GPATCH2: variants seen among roughly 807,000 people sequenced by gnomAD.
The protein encoded by GPATCH2 is G patch domain-containing protein 2.
In GPATCH2, 51 loss-of-function variants were observed where a neutral mutation model predicts 58.0. That is an observed-to-expected ratio of 0.88 (90% CI 0.70 to 1.11). The LOEUF (loss-of-function observed/expected upper bound fraction) is 1.11. GPATCH2 is among the 50% of genes most tolerant of loss of function. GPATCH2 has a pLI of 0.00. For missense variants in GPATCH2, 625 were observed against 652.2 expected, an observed-to-expected ratio of 0.96 and a Z score of 0.45; for synonymous variants, 222 against 218.5, an observed-to-expected ratio of 1.02 and a Z score of -0.14.
chr1:217,600,156 TC>T (rs1387018413), intron 5 of GPATCH2, among the ~76,000 whole-genome samples: 1 of 152,176 alleles, frequency 6.6e-6, no homozygotes, highest in East Asian at 1.9e-4. Flanking sequence ...AAGTCATTAC[TC>T]CTTTGGTATG....
intron 9 of GPATCH2, among the ~76,000 whole-genome samples, chr1:217,434,456 C>T (rs928284551): frequency 5.3e-5 from 8 of 152,172 alleles, no homozygotes; most frequent in African/African-American, 1.7e-4. Flanking sequence ...TGGATAGCTG[C>T]TAATCAGGTA....
At chr1:217,552,195 G>A (rs1484520783) in intron 5 of GPATCH2, among the ~76,000 whole-genome samples, 1 of 151,996 alleles carries the variant, frequency 6.6e-6, no homozygotes, top group Non-Finnish European at 1.5e-5. Flanking sequence ...CCTCTCTGAT[G>A]TATATGAATA....
intron 5 of GPATCH2, among the ~76,000 whole-genome samples, chr1:217,534,637 T>C (rs1664376987): frequency 6.6e-6 from 1 of 151,950 alleles, no homozygotes; most frequent in Non-Finnish European, 1.5e-5. Context: ...ACTGGTACCC[T>C]CTGCACTCAC....
intron 8 of GPATCH2, among the ~76,000 whole-genome samples, chr1:217,463,861 C>T (rs560018446): frequency 6.6e-6 from 1 of 152,002 alleles, no homozygotes; most frequent in Non-Finnish European, 1.5e-5. Flanking sequence ...GAGTGAAAGA[C>T]AGAATCCAGG....
intron 8 of GPATCH2, among the ~76,000 whole-genome samples, chr1:217,481,584 G>T (rs1661214685): frequency 6.6e-6 from 1 of 152,072 alleles, no homozygotes; most frequent in Non-Finnish European, 1.5e-5. Context: ...AAGGCCAGGT[G>T]CAGTGGCTTA....
At chr1:217,460,688 A>G (rs1215589918) in intron 8 of GPATCH2, among the ~76,000 whole-genome samples, 1 of 152,236 alleles carries the variant, frequency 6.6e-6, no homozygotes, top group East Asian at 1.9e-4. Flanking sequence ...AGTAAATTCT[A>G]TAAATCTGTC....
At chr1:217,502,876 A>G (rs1453853039) in intron 6 of GPATCH2, among the ~76,000 whole-genome samples, 1 of 151,990 alleles carries the variant, frequency 6.6e-6, no homozygotes, top group East Asian at 1.9e-4. Flanking sequence ...GCCCCACCCT[A>G]TTTAGAAGTT....
intron 9 of GPATCH2, among the ~76,000 whole-genome samples, chr1:217,448,693 A>G (rs1015116148): frequency 2.0e-5 from 3 of 152,312 alleles, no homozygotes; most frequent in East Asian, 1.9e-4. Flanking sequence ...ATGGCATATT[A>G]TTAGAACGAC....
chr1:217,476,350 G>T (rs1428413901), intron 8 of GPATCH2, among the ~76,000 whole-genome samples: 3 of 151,660 alleles, frequency 2.0e-5, no homozygotes, highest in Non-Finnish European at 4.4e-5. Flanking sequence ...ACCACCAATT[G>T]CCACCCCCTC....
rs1052088187 is a variant in GPATCH2 at position 217,504,374 on chromosome 1, T to A, written c.1167-5979A>T. ...TTTCCAATCCCAATGTCTCTGCCGA[T>A]ATATCCACTAAAGCTATTATATTCG... On this transcript the variant is annotated intron_variant, in intron 6 of 9. Transcript: ENST00000366935. Among the ~76,000 whole-genome samples, 4 of 152,328 alleles carry A rather than the reference T, an allele frequency of 2.6e-5. No individual in the cohort carries two copies. The South Asian group carries it at 8.3e-4, about 32-fold the overall frequency.
chr1:217,611,933 G>A (rs939159842), intron 3 of GPATCH2, among the ~76,000 whole-genome samples: 11 of 152,080 alleles, frequency 7.2e-5, no homozygotes, highest in African/African-American at 2.7e-4. Flanking sequence ...TAATCCCAGT[G>A]CTTTGAGAGG....
chr1:217,558,372 G>C (rs753310761), intron 5 of GPATCH2, among the ~76,000 whole-genome samples: 3 of 152,088 alleles, frequency 2.0e-5, no homozygotes, highest in Non-Finnish European at 4.4e-5. Context: ...TTTACTAACA[G>C]GGCTCTTAAT....
At position 217,534,881 on chromosome 1, in the gene GPATCH2, GT is replaced by G. The variant is rs547887874; in HGVS notation, c.1099-19993del. 8.5e-5 allele frequency among the ~76,000 whole-genome samples: 13 copies of G among 152,274 alleles called. No individual in the cohort carries two copies. The East Asian group carries it at 2.1e-3, about 25-fold the overall frequency. On this transcript the variant is annotated intron_variant, in intron 5 of 9. Coordinates refer to ENST00000366935, the MANE Select transcript of GPATCH2 (RefSeq NM_018040.5). ...ACTAAATAACTGGAGATTAGTTTGT[GT>G]TTTTAAGTCATACTGTCTTGTTCAA...
At chr1:217,608,484 A>T (rs1343821815) in intron 5 of GPATCH2, 1 of 985,112 alleles carries the variant, frequency 1.0e-6, no homozygotes, top group Non-Finnish European at 1.2e-6. Flanking sequence ...CAATACCATG[A>T]AGCTAGCCTA....
intron 5 of GPATCH2, chr1:217,609,204 T>C (rs1668508054): frequency 1.0e-6 from 1 of 983,532 alleles, no homozygotes; most frequent in Non-Finnish European, 1.2e-6. Context: ...AAACATTACA[T>C]TTTCCCCCCA....
intron 8 of GPATCH2, among the ~76,000 whole-genome samples, chr1:217,464,769 T>A (rs11117873): frequency 0.019 from 2,883 of 152,192 alleles, 93 homozygotes; most frequent in African/African-American, 0.066. Flanking sequence ...GAGAGAGGTA[T>A]AAAGCCATGA....
At chr1:217,588,462 T>C (rs1384175074) in intron 5 of GPATCH2, among the ~76,000 whole-genome samples, 1 of 152,172 alleles carries the variant, frequency 6.6e-6, no homozygotes, top group Non-Finnish European at 1.5e-5. Flanking sequence ...ATCTCTTCAT[T>C]AGAAAGGTCG....
chr1:217,622,504 G>A (rs928427929), intron 1 of GPATCH2, among the ~76,000 whole-genome samples: 6 of 152,204 alleles, frequency 3.9e-5, no homozygotes, highest in African/African-American at 1.4e-4. Flanking sequence ...GGGCCACTGA[G>A]ATTTGATTTT....
chr1:217,566,658 C>T (rs1427900554), intron 5 of GPATCH2, among the ~76,000 whole-genome samples: 2 of 152,094 alleles, frequency 1.3e-5, no homozygotes, highest in Non-Finnish European at 2.9e-5. Context: ...TTCTTCTAAC[C>T]AGTTTGATCA....
Sources: gnomAD v4.1 joint callset for allele counts (sites outside exome capture counted in the v4.1 genomes callset) on GRCh38, gnomAD v4.1.1 for gene constraint, MANE v1.5 for transcripts, NCBI Gene and HGNC (gene_info 2026-07-23, HGNC 2026-07-21) for gene names.